Variants in BBS1 observed in about 807,000 individuals in gnomAD.
The protein encoded by BBS1 is BBSome complex member BBS1.
A neutral mutation model predicts 73.9 loss-of-function variants in BBS1; 60 were observed. The ratio of observed to expected loss-of-function variants is 0.81; its 90% CI spans 0.66 to 1.01. The LOEUF (loss-of-function observed/expected upper bound fraction) is 1.01, where lower values mean the gene tolerates loss of function less well. BBS1 is among the 50% of genes least tolerant of loss of function. The pLI, the probability that BBS1 is intolerant of heterozygous loss-of-function variation, is 0.00. For synonymous variants in BBS1, 283 were observed against 317.4 expected (o/e 0.89, Z 1.15); for missense variants, 718 against 770.3 (o/e 0.93, Z 0.80).
intron 6 of BBS1, 41 bp from the exon 7 acceptor site, chr11:66,515,820 C>G (rs754132794): frequency 1.2e-6 from 2 of 1,613,880 alleles, no homozygotes; most frequent in Non-Finnish European, 1.7e-6. Context: ...AGGAGGGCAG[C>G]GAGGCCGGGG....
intron 14 of BBS1, among the ~76,000 whole-genome samples, chr11:66,530,206 G>T (rs1004437936): frequency 7.2e-5 from 11 of 152,090 alleles, no homozygotes; most frequent in African/African-American, 2.7e-4. Flanking sequence ...GCTCAGATAG[G>T]CCCCCAGAAT....
intron 14 of BBS1, among the ~76,000 whole-genome samples, chr11:66,530,503 C>T (rs1442270147): frequency 6.6e-6 from 1 of 152,172 alleles, no homozygotes; most frequent in Non-Finnish European, 1.5e-5. Context: ...TCTGAGTTCT[C>T]TTTTCCTAAA....
At chr11:66,517,209 A>C (rs1404204330) in intron 7 of BBS1, among the ~76,000 whole-genome samples, 1 of 151,136 alleles carries the variant, frequency 6.6e-6, no homozygotes, top group African/African-American at 2.4e-5. Context: ...AAAAAAAAAA[A>C]CCAAAAAACA....
At chr11:66,528,287 C>A (rs1396272791) in intron 13 of BBS1, among the ~76,000 whole-genome samples, 1 of 152,198 alleles carries the variant, frequency 6.6e-6, no homozygotes, top group African/African-American at 2.4e-5. Flanking sequence ...AGACCACCTT[C>A]AAGAATGCTT....
At chr11:66,510,880 C>T (rs1565280123) in intron 1 of BBS1, 133 bp from the exon 2 acceptor site, 2 of 1,365,590 alleles carry the variant, frequency 1.5e-6, no homozygotes, top group Non-Finnish European at 2.1e-6. Flanking sequence ...GCTCGGTGAG[C>T]CAGTGGCGGA....
At chr11:66,523,408 G>A (rs1856332067) in intron 9 of BBS1, 48 bp from the exon 10 acceptor site, 2 of 1,613,930 alleles carry the variant, frequency 1.2e-6, no homozygotes, top group Non-Finnish European at 8.5e-7. Flanking sequence ...AGCCATAGAA[G>A]TGGAGAGGAT....
intron 11 of BBS1, 147 bp downstream of exon 11, chr11:66,524,029 C>T: frequency 1.6e-6 from 2 of 1,252,670 alleles, no homozygotes; most frequent in Admixed American, 2.0e-5. Context: ...CCTGTAATCC[C>T]AGCACTTTGG....
At chr11:66,529,762 G>T in intron 13 of BBS1, 57 bp from the exon 14 acceptor site, 1 of 1,601,788 alleles carries the variant, frequency 6.2e-7, no homozygotes. Context: ...CCCCGTTGCT[G>T]CCTCCTCCCT....
intron 3 of BBS1, among the ~76,000 whole-genome samples, chr11:66,512,745 G>A (rs1016731643): frequency 2.0e-5 from 3 of 152,062 alleles, no homozygotes; most frequent in East Asian, 3.9e-4. Context: ...AGGCCAAGGC[G>A]GGTGGATCAC....
Position 66,514,581 on chromosome 11 carries a change from T to C in BBS1, c.335T>C (p.Val112Ala). 1.2e-6 allele frequency: 2 copies of C among 1,614,034 alleles called. No individual in the cohort carries two copies. The highest frequency in any genetic ancestry group is 4.5e-5 in the East Asian group (2 of 44,886). ...CTGGCACTTGCTTCAGGCCCTTGTG[T>C]CTATGTGTATAAGAATCTCAGACCC... ...PALALASGPC[V>A]YVYKNLRPYF... Residue 112 changes from valine to alanine, a missense_variant, in exon 4 of 17, where the codon GTC becomes GCC. Transcript: ENST00000318312.
intron 13 of BBS1, 172 bp downstream of exon 13, chr11:66,526,979 A>T (rs1856541852): frequency 6.5e-7 from 1 of 1,545,444 alleles, no homozygotes. Flanking sequence ...CGTTGCCTGC[A>T]AATCACTGTT....
At chr11:66,510,754 G>A (rs376108907) in intron 1 of BBS1, 48 bp downstream of exon 1, 1 of 1,610,264 alleles carries the variant, frequency 6.2e-7, no homozygotes, top group African/African-American at 1.3e-5. Context: ...GTGTAAAGAG[G>A]GTCCCTTGGT....
intron 7 of BBS1, among the ~76,000 whole-genome samples, chr11:66,518,757 C>CTTTTTT (rs58220840): frequency 2.3e-5 from 3 of 131,620 alleles, no homozygotes; most frequent in African/African-American, 2.8e-5. Context: ...CAGCCCTTTT[C>CTTTTTT]TTTTTTTTTT....
Position 66,532,090 on chromosome 11 carries a change from G to A in BBS1, c.*53G>A, listed in dbSNP as rs1856810563. 2.6e-6 allele frequency: 4 copies of A among 1,541,990 alleles called. No homozygotes were observed. In the Admixed American group the frequency reaches 7.7e-5, roughly 30 times the overall value. ...ACAATCAGCCAGGGAGAACTGGGCG[G>A]GTTTAGTGGCCCCAGGCCCACTCCT... On this transcript the variant is annotated 3_prime_UTR_variant, in exon 17 of 17. Coordinates refer to ENST00000318312, the MANE Select transcript of BBS1 (RefSeq NM_024649.5).
In BBS1 at chr11:66,527,085, G is replaced by A. The variant is rs1480118994; in HGVS notation, c.1339+278G>A. 24 of 1,465,394 alleles carry A rather than the reference G, an allele frequency of 1.6e-5. 1 individual carries two copies. The highest frequency in any genetic ancestry group is 2.2e-5 in the Non-Finnish European group (24 of 1,084,032). 90.8% of individuals were successfully genotyped at this position (1,465,394 alleles called of 1,614,324 possible). A position where few individuals can be genotyped will look rare whatever the true frequency, so the allele number is the denominator to read the frequency against. On this transcript the variant is annotated intron_variant, in intron 13 of 16. Coordinates refer to ENST00000318312, the MANE Select transcript of BBS1 (RefSeq NM_024649.5). Reference sequence around the variant, plus strand: ...AAACGCAGGAATTCTCATGAGGAAAGTAGAATTTTGACTGGGCATGGTGGC... The same window carrying A: ...AAACGCAGGAATTCTCATGAGGAAAATAGAATTTTGACTGGGCATGGTGGC...
intron 3 of BBS1, among the ~76,000 whole-genome samples, chr11:66,512,020 G>GTATATATATGTATATATATA (rs1565280720): frequency 7.0e-6 from 1 of 143,286 alleles, no homozygotes; most frequent in African/African-American, 2.6e-5. Context: ...ATATATATAT[G>GTATATATATGTATATATATA]TGTATATATA....
Position 66,526,104 on chromosome 11 carries a change from C to T in BBS1, c.1111-19C>T. 1 of 1,613,810 alleles carries T rather than the reference C, an allele frequency of 6.2e-7. No individual in the cohort carries two copies. Among genetic ancestry groups the T allele is most frequent in the East Asian group, 2.2e-5 (1 of 44,882 alleles). On this transcript the variant is annotated intron_variant, in intron 11 of 16. Transcript: ENST00000318312. ...TCTCCAAGATATTTCCCCAACTAAACTCTGACGTCTCCACATAGGATGCAG... is the reference window on the plus strand; with the variant it reads ...TCTCCAAGATATTTCCCCAACTAAATTCTGACGTCTCCACATAGGATGCAG...
At chr11:66,531,217 C>T (rs1267803329) in intron 15 of BBS1, among the ~76,000 whole-genome samples, 189 bp downstream of exon 15, 2 of 152,186 alleles carry the variant, frequency 1.3e-5, no homozygotes, top group African/African-American at 4.8e-5. Context: ...GCCCCAAGCC[C>T]TGCCTCTGCT....
intron 13 of BBS1, chr11:66,529,516 G>T: frequency 5.6e-6 from 4 of 718,886 alleles, no homozygotes; most frequent in Non-Finnish European, 1.0e-5. Context: ...AGGATGAGAA[G>T]AGGACCATGG....
Sources: allele counts gnomAD v4.1 joint callset (sites outside exome capture counted in the v4.1 genomes callset), GRCh38; gene constraint gnomAD v4.1.1; transcripts MANE v1.5; gene names NCBI Gene and HGNC (gene_info 2026-07-23, HGNC 2026-07-21).